Variants in PRDM2 observed in about 807,000 individuals in gnomAD.
PRDM2 encodes the protein PR domain zinc finger protein 2.
In PRDM2, 30 loss-of-function variants were observed where a neutral mutation model predicts 130.0. That is an observed-to-expected ratio of 0.23 (90% CI 0.17 to 0.31). PRDM2 has a LOEUF of 0.31. Ranked by LOEUF, PRDM2 falls within the 10% of genes least tolerant of loss-of-function variation. The probability of loss-of-function intolerance (pLI) is 1.00; values close to 1 mark genes in which losing one functional copy is unlikely to be tolerated. For missense variants in PRDM2, 2,011 were observed against 2,108.4 expected, an observed-to-expected ratio of 0.95 and a Z score of 0.90; for synonymous variants, 871 against 782.4, an observed-to-expected ratio of 1.11 and a Z score of -1.89.
At chr1:13,801,961 A>C (rs184239400) in intron 8 of PRDM2, among the ~76,000 whole-genome samples, 2 of 152,354 alleles carry the variant, frequency 1.3e-5, no homozygotes, top group East Asian at 1.9e-4. Flanking sequence ...GTGGGGCCAG[A>C]CAGCCAGGAT....
intron 1 of PRDM2, among the ~76,000 whole-genome samples, chr1:13,702,728 T>A (rs945233218): frequency 2.6e-5 from 4 of 152,226 alleles, no homozygotes; most frequent in Non-Finnish European, 4.4e-5. Flanking sequence ...AATCATAGAC[T>A]TTCCAGGATG....
chr1:13,816,697 G>A, intron 9 of PRDM2, 127 bp downstream of exon 9: 1 of 1,267,460 alleles, frequency 7.9e-7, no homozygotes, highest in East Asian at 2.5e-5. Flanking sequence ...ACCAGGCACG[G>A]TGCAGGGCCT....
rs1644539649 is a variant in PRDM2 at position 13,778,806 on chromosome 1, A to T, written c.1011A>T (p.Val337=). Residue 337 remains valine (V), a synonymous_variant, in exon 8 of 10, where the codon GTA becomes GTT. Coordinates refer to ENST00000311066, the MANE Select transcript of PRDM2 (RefSeq NM_001393986.1). The part of the protein sequence containing the change: ...SEETLEDCSE[V]TPAMQIPRTK... ...AAACTCTTGAAGACTGCTCAGAGGT[A>T]ACACCTGCCATGCAAATCCCCAGAA... The T allele has an allele frequency of 6.2e-7, 1 of 1,614,052 alleles. No individual in the cohort carries two copies. Among genetic ancestry groups the T allele is most frequent in the African/African-American group, 1.3e-5 (1 of 74,916 alleles).
chr1:13,721,843 A>G (rs1352875293), intron 2 of PRDM2, among the ~76,000 whole-genome samples: 4 of 152,082 alleles, frequency 2.6e-5, no homozygotes, highest in African/African-American at 9.7e-5. Context: ...AGTTCTGGCA[A>G]TGTCATTCCA....
intron 8 of PRDM2, among the ~76,000 whole-genome samples, chr1:13,805,643 A>G (rs1645075205): frequency 6.6e-6 from 1 of 152,222 alleles, no homozygotes; most frequent in African/African-American, 2.4e-5. Flanking sequence ...ACCTTCAGCA[A>G]AAGTGCAGAA....
intron 1 of PRDM2, among the ~76,000 whole-genome samples, chr1:13,701,703 A>C (rs1642078993): frequency 6.6e-6 from 1 of 152,228 alleles, no homozygotes; most frequent in South Asian, 2.1e-4. Context: ...TATGGAAACA[A>C]ATCAAAATTC....
chr1:13,749,037 C>T (rs1643708040), intron 5 of PRDM2, among the ~76,000 whole-genome samples: 2 of 152,278 alleles, frequency 1.3e-5, no homozygotes, highest in East Asian at 3.9e-4. Context: ...AAAATGGGCC[C>T]ATGTTTTATT....
Position 13,732,880 on chromosome 1 carries a change from G to C in PRDM2, c.229G>C (p.Glu77Gln). The C allele has an allele frequency of 6.5e-7, 1 of 1,534,594 alleles. No individual in the cohort carries two copies. Among genetic ancestry groups the C allele is most frequent in the Non-Finnish European group, 8.9e-7 (1 of 1,122,252 alleles). ...GGTTAAGAATAATGTATACATGTGGGAGGTAAGAAGTAATTCTGATTCTTT... is the reference window on the plus strand; with the variant it reads ...GGTTAAGAATAATGTATACATGTGGCAGGTAAGAAGTAATTCTGATTCTTT... Reference protein sequence around the residue: ...SQVKNNVYMWEVYYPNLGWMC... With the variant: ...SQVKNNVYMWQVYYPNLGWMC... Residue 77 changes from glutamate (E) to glutamine (Q), a missense_variant and splice_region_variant, in exon 4 of 10, where the codon GAG becomes CAG. This residue lies in a region of PRDM2 where 79 missense variants were observed against 93.6 expected (regional missense o/e 0.84). Transcript: ENST00000311066.
chr1:13,780,242 G>T lies in PRDM2; in HGVS notation c.2447G>T (p.Ser816Ile), dbSNP rs1460855774. 1 of 1,612,902 alleles carries T rather than the reference G, an allele frequency of 6.2e-7. No individual in the cohort carries two copies. Among genetic ancestry groups the T allele is most frequent in the African/African-American group, 1.3e-5 (1 of 74,986 alleles). Residue 816 changes from serine to isoleucine, a missense_variant, in exon 8 of 10, where the codon AGC becomes ATC. Physicochemically the swap from Ser to Ile is moderately radical, Grantham distance 142. This residue lies in a region of PRDM2 where 1,288 missense variants were observed against 1,237.7 expected (regional missense o/e 1.04). Transcript: ENST00000311066. ...GAGTGGACAGCTAGTTCTGCTTTTA[G>T]CAGTGTGTGCAACCAGCAGCCACTG... is the stretch of plus-strand genomic sequence containing the variant. ...SKEWTASSAFSSVCNQQPLDL... is the reference protein window; with the variant it reads ...SKEWTASSAFISVCNQQPLDL...
chr1:13,783,801 T>G (rs1470598230), intron 8 of PRDM2, among the ~76,000 whole-genome samples: 1 of 152,150 alleles, frequency 6.6e-6, no homozygotes, highest in African/African-American at 2.4e-5. Context: ...GCAAAATACT[T>G]TTAAGTCTTG....
At position 13,799,288 on chromosome 1, in the gene PRDM2, A is replaced by G. The variant is rs565516897; in HGVS notation, c.5036+16457A>G. ...GTGAAACTCCTTCTCTACTAAAAAT[A>G]CCAAAAATTAGCTGGGCATAGTGAC... On this transcript the variant is annotated intron_variant, in intron 8 of 9. Coordinates refer to ENST00000311066, the MANE Select transcript of PRDM2 (RefSeq NM_001393986.1). Among the ~76,000 whole-genome samples, 257 of 152,200 alleles carry G rather than the reference A, an allele frequency of 1.7e-3. 1 individual carries two copies. Among genetic ancestry groups the G allele is most frequent in the African/African-American group, 4.7e-3 (195 of 41,530 alleles).
At chr1:13,742,665 A>G (rs572170596) in intron 5 of PRDM2, among the ~76,000 whole-genome samples, 1 of 152,308 alleles carries the variant, frequency 6.6e-6, no homozygotes, top group East Asian at 1.9e-4. Context: ...AGATCGTGTT[A>G]AGTAATTACA....
intron 7 of PRDM2, 33 bp from the exon 8 acceptor site, chr1:13,778,385 A>ACTTCCATGCTTCTG: frequency 3.2e-6 from 5 of 1,544,674 alleles, no homozygotes; most frequent in Non-Finnish European, 3.5e-6. Flanking sequence ...CCCATGCTTC[A>ACTTCCATGCTTCTG]CTTCCATGCT....
At chr1:13,783,156 T>A in intron 8 of PRDM2, 1 of 550,462 alleles carries the variant, frequency 1.8e-6, no homozygotes, top group Non-Finnish European at 3.4e-6. Context: ...ATGTCTTGGG[T>A]AATAGCTCAG....
At chr1:13,744,966 A>G (rs1179165670) in intron 5 of PRDM2, among the ~76,000 whole-genome samples, 3 of 152,190 alleles carry the variant, frequency 2.0e-5, no homozygotes, top group South Asian at 2.1e-4. Flanking sequence ...GGAAATCTCA[A>G]CACTGGTTTT....
At chr1:13,704,243 A>T (rs1642144538) in intron 1 of PRDM2, among the ~76,000 whole-genome samples, 1 of 152,232 alleles carries the variant, frequency 6.6e-6, no homozygotes, top group Non-Finnish European at 1.5e-5. Flanking sequence ...TCGTTTAAAT[A>T]TTCTTTCTTA....
At chr1:13,756,252 G>A (rs1268417072) in intron 6 of PRDM2, among the ~76,000 whole-genome samples, 7 of 144,930 alleles carry the variant, frequency 4.8e-5, no homozygotes, top group Admixed American at 2.8e-4. Flanking sequence ...AACAGAGCGA[G>A]ACTCCTTCTC....
Position 13,782,378 on chromosome 1 carries a change from A to G in PRDM2, c.4583A>G (p.Gln1528Arg), listed in dbSNP as rs201813357. 1.3e-4 allele frequency: 209 copies of G among 1,613,852 alleles called. No individual in the cohort carries two copies. The highest frequency in any genetic ancestry group is 1.7e-4 in the Non-Finnish European group (200 of 1,180,024). ...GCGGAGATTAAAATGCAAAGCATGC[A>G]GACTCCGTTGGGCAAGACCAGAGCC... Reference protein sequence around the residue: ...ADAEIKMQSMQTPLGKTRARS... With the variant: ...ADAEIKMQSMRTPLGKTRARS... Residue 1528 changes from glutamine to arginine, a missense_variant, in exon 8 of 10, where the codon CAG (glutamine) becomes CGG (arginine). Gln to Arg is a conservative substitution (Grantham distance 43, BLOSUM62 1). Transcript: ENST00000311066.
chr1:13,721,468 C>T (rs542327763), intron 2 of PRDM2, among the ~76,000 whole-genome samples: 8 of 151,930 alleles, frequency 5.3e-5, no homozygotes, highest in African/African-American at 1.9e-4. Context: ...AAAAAGACTT[C>T]TAAGTAAGGT....
Sources: gnomAD v4.1 joint callset for allele counts (sites outside exome capture counted in the v4.1 genomes callset) on GRCh38, gnomAD v4.1.1 for gene constraint, gnomAD v4.1.1 regional missense constraint, MANE v1.5 for transcripts, NCBI Gene and HGNC (gene_info 2026-07-23, HGNC 2026-07-21) for gene names.